Variants in RBM39 observed in about 807,000 individuals in gnomAD.
RBM39 encodes RNA-binding protein 39.
Under a neutral mutation model 79.6 loss-of-function variants are expected in RBM39, and 12 were observed. That is an observed-to-expected ratio of 0.15 (90% CI 0.10 to 0.24). RBM39 has a LOEUF of 0.24. Ranked by LOEUF, RBM39 falls within the 10% of genes least tolerant of loss-of-function variation. RBM39 has a pLI of 1.00. For missense variants in RBM39, 243 were observed against 653.4 expected (o/e 0.37, Z 6.85); for synonymous variants, 185 against 208.4 (o/e 0.89, Z 0.97).
chr20:35,725,012 G>C, intron 7 of RBM39, 26 bp downstream of exon 7: 1 of 1,458,068 alleles, frequency 6.9e-7, no homozygotes, highest in East Asian at 2.3e-5. Flanking sequence ...CTACCTACTT[G>C]ACCTCCCTAA....
intron 11 of RBM39, 38 bp from the exon 12 acceptor site, chr20:35,713,134 G>C (rs756151373): frequency 6.4e-6 from 10 of 1,557,022 alleles, no homozygotes; most frequent in East Asian, 2.2e-5. Flanking sequence ...ACTATGTTGA[G>C]AGCAGAGAAA....
chr20:35,703,397 T>C lies in RBM39; in HGVS notation c.*1084A>G, dbSNP rs925730241. ...AGGCCAGGCTGTTTCCTTTTCTTTT[T>C]GGTAAACCCCTCAGTTTTGATACAT... On this transcript the variant is annotated 3_prime_UTR_variant, in exon 17 of 17. Coordinates refer to ENST00000253363, the MANE Select transcript of RBM39 (RefSeq NM_184234.3). 2 of 152,168 alleles carry C rather than the reference T, an allele frequency of 1.3e-5. No individual in the cohort carries two copies. Among genetic ancestry groups the C allele is most frequent in the African/African-American group, 4.8e-5 (2 of 41,438 alleles). 9.4% of individuals were successfully genotyped at this position (152,168 alleles called of 1,614,324 possible). A position where few individuals can be genotyped will look rare whatever the true frequency, so the allele number is the denominator to read the frequency against.
At chr20:35,719,250 T>C (rs1452024943) in intron 9 of RBM39, among the ~76,000 whole-genome samples, 1 of 151,290 alleles carries the variant, frequency 6.6e-6, no homozygotes. Context: ...CAGACTGGTC[T>C]CGAACTCCTC....
chr20:35,737,242 T>G (rs1254035539), intron 3 of RBM39, among the ~76,000 whole-genome samples: 1 of 151,458 alleles, frequency 6.6e-6, no homozygotes, highest in Non-Finnish European at 1.5e-5. Flanking sequence ...GTACAAAAAT[T>G]AGCCAGGTGC....
rs2035312935 is a variant in RBM39, at chr20:35,702,146, G to GC, written c.*2334dup. The GC allele has an allele frequency of 6.6e-6, 1 of 152,150 alleles. No individual in the cohort carries two copies. The highest frequency in any genetic ancestry group is 1.5e-5 in the Non-Finnish European group (1 of 68,032). 9.4% of individuals were successfully genotyped at this position (152,150 alleles called of 1,614,324 possible). A position where few individuals can be genotyped will look rare whatever the true frequency, so the allele number is the denominator to read the frequency against. Reference sequence around the variant, plus strand: ...ACGCAGACCCTGGAGTTACTAACCCGCATTGCCCATTAAGCATTTCTTAAA... The same window carrying GC: ...ACGCAGACCCTGGAGTTACTAACCCGCCATTGCCCATTAAGCATTTCTTAAA... On this transcript the variant is annotated 3_prime_UTR_variant, in exon 17 of 17. Transcript: ENST00000253363.
intron 6 of RBM39, 92 bp from the exon 7 acceptor site, chr20:35,725,247 T>A: frequency 2.2e-6 from 2 of 899,842 alleles, no homozygotes; most frequent in Non-Finnish European, 3.3e-6. Flanking sequence ...CAACAGGTTT[T>A]CAGGTACAGG....
chr20:35,707,839 C>G, intron 13 of RBM39: 1 of 450,606 alleles, frequency 2.2e-6, no homozygotes, highest in Non-Finnish European at 4.6e-6. Flanking sequence ...ACTACCAAAA[C>G]ATACTGGGGT....
intron 9 of RBM39, among the ~76,000 whole-genome samples, chr20:35,719,743 G>A (rs189963174): frequency 6.6e-6 from 1 of 152,206 alleles, no homozygotes; most frequent in East Asian, 1.9e-4. Flanking sequence ...AATATCAACT[G>A]TTTCCTGATG....
At chr20:35,704,967 T>C in intron 15 of RBM39, 1 of 592,106 alleles carries the variant, frequency 1.7e-6, no homozygotes, top group South Asian at 2.1e-5. Context: ...GTATGCAGCC[T>C]AAGAATGAAT....
chr20:35,740,962 T>A, intron 1 of RBM39, 75 bp from the exon 2 acceptor site: 1 of 973,542 alleles, frequency 1.0e-6, no homozygotes, highest in Non-Finnish European at 1.6e-6. Flanking sequence ...TCTTGTTGCC[T>A]ATATCGTCTA....
chr20:35,721,628 T>A (rs994868053), intron 9 of RBM39, 112 bp downstream of exon 9: 1 of 1,265,856 alleles, frequency 7.9e-7, no homozygotes, highest in Non-Finnish European at 1.1e-6. Flanking sequence ...AACCAGCCCT[T>A]ATCCTCTTAA....
Position 35,734,761 on chromosome 20 carries a change from T to C in RBM39, c.102-2626A>G, listed in dbSNP as rs2039730793. Reference sequence around the variant, plus strand: ...ATACTAAGACATTCAGAAAATACAATCTTTTGCATAAAAGCCCAGAGAAAA... The same window carrying C: ...ATACTAAGACATTCAGAAAATACAACCTTTTGCATAAAAGCCCAGAGAAAA... On this transcript the variant is annotated intron_variant, in intron 3 of 16. Transcript: ENST00000253363. 3.2e-6 allele frequency: 4 copies of C among 1,263,686 alleles called. No individual in the cohort carries two copies. In the South Asian group the frequency reaches 9.5e-5, roughly 30 times the overall value. 78.3% of individuals were successfully genotyped at this position (1,263,686 alleles called of 1,614,324 possible). A position where few individuals can be genotyped will look rare whatever the true frequency, so the allele number is the denominator to read the frequency against.
rs534546141 is a variant in RBM39 at position 35,707,842 on chromosome 20, A to G, written c.1226-641T>C. On this transcript the variant is annotated intron_variant, in intron 13 of 16. Coordinates refer to ENST00000253363, the MANE Select transcript of RBM39 (RefSeq NM_184234.3). Reference sequence around the variant, plus strand: ...GTAATATCCACTACTACCAAAACATACTGGGGTTTGAAGTTTAAAGAGCAT... The same window carrying G: ...GTAATATCCACTACTACCAAAACATGCTGGGGTTTGAAGTTTAAAGAGCAT... The G allele has an allele frequency of 2.1e-4, 97 of 455,646 alleles. 1 individual carries two copies. The highest frequency in any genetic ancestry group is 1.5e-3 in the South Asian group (96 of 62,226). 28.2% of individuals were successfully genotyped at this position (455,646 alleles called of 1,614,324 possible). A position where few individuals can be genotyped will look rare whatever the true frequency, so the allele number is the denominator to read the frequency against.
intron 3 of RBM39, among the ~76,000 whole-genome samples, chr20:35,733,705 T>G (rs2039620876): frequency 6.6e-6 from 1 of 152,220 alleles, no homozygotes; most frequent in Non-Finnish European, 1.5e-5. Flanking sequence ...AAAGTTACAA[T>G]GAATACACCA....
rs1242527013 is a variant in RBM39, at chr20:35,715,019, G to GT, written c.892-631dup. Among the ~76,000 whole-genome samples the GT allele has an allele frequency of 3.3e-5, 5 of 152,118 alleles. No individual in the cohort carries two copies. In the East Asian group the frequency reaches 5.8e-4, roughly 18 times the overall value. On this transcript the variant is annotated intron_variant, in intron 10 of 16. Transcript: ENST00000253363. ...TCCTTTCACCAGTTCATTGACGTAC[G>GT]TAACAGCCTAATGACCAGTAAGTTA...
Position 35,729,296 on chromosome 20 carries a change from T to C in RBM39, c.416+16A>G. 2 of 1,573,230 alleles carry C rather than the reference T, an allele frequency of 1.3e-6. No individual in the cohort carries two copies. The highest frequency in any genetic ancestry group is 1.7e-6 in the Non-Finnish European group (2 of 1,167,860). On this transcript the variant is annotated intron_variant, in intron 6 of 16. Transcript: ENST00000253363. ...AAAGCTTTTTAAGAGCTAAAGGCTT[T>C]AAAGAAGTAAACTACCTCACAGGGC...
At position 35,717,442 on chromosome 20, in the gene RBM39, A is replaced by G. The variant is rs1347923446; in HGVS notation, c.826-637T>C. On this transcript the variant is annotated intron_variant, in intron 9 of 16. Coordinates refer to ENST00000253363, the MANE Select transcript of RBM39 (RefSeq NM_184234.3). ...ACTGAAAACCAGAAATCCTTCGTAA[A>G]TTACCAATAGAAGGTAGAAACAAAA... Among the ~76,000 whole-genome samples, 5 of 152,188 alleles carry G rather than the reference A, an allele frequency of 3.3e-5. 1 individual carries two copies. Among genetic ancestry groups the G allele is most frequent in the South Asian group, 4.1e-4 (2 of 4,830 alleles).
intron 9 of RBM39, among the ~76,000 whole-genome samples, chr20:35,717,801 ATCATGCTGTTGCAC>A (rs1391070768): frequency 2.0e-5 from 3 of 152,164 alleles, no homozygotes; most frequent in Admixed American, 6.5e-5. Flanking sequence ...GTGAGCTTGC[ATCATGCTGTTGCAC>A]TCCAGCCTCA....
chr20:35,733,247 A>C (rs1315098013), intron 3 of RBM39, among the ~76,000 whole-genome samples: 1 of 151,078 alleles, frequency 6.6e-6, no homozygotes, highest in Non-Finnish European at 1.5e-5. Context: ...AGGTTGCAGC[A>C]AGCTGAGACC....
Sources: gnomAD v4.1 joint callset for allele counts (sites outside exome capture counted in the v4.1 genomes callset) on GRCh38, gnomAD v4.1.1 for gene constraint, MANE v1.5 for transcripts, NCBI Gene and HGNC (gene_info 2026-07-23, HGNC 2026-07-21) for gene names.